RALGPS1: variants seen among roughly 807,000 people sequenced by gnomAD.
RALGPS1 encodes the protein Ral GEF with PH domain and SH3 binding motif 1, also known as ras-specific guanine nucleotide-releasing factor RalGPS1.
In RALGPS1, 19 loss-of-function variants were observed where a neutral mutation model predicts 78.8. The ratio of observed to expected loss-of-function variants is 0.24; its 90% CI spans 0.17 to 0.35. The LOEUF (loss-of-function observed/expected upper bound fraction) is 0.35. Ranked by LOEUF, RALGPS1 falls within the 10% of genes least tolerant of loss-of-function variation. The pLI is 1.00. For missense variants in RALGPS1, 454 were observed against 688.3 expected, an observed-to-expected ratio of 0.66 and a Z score of 3.81; for synonymous variants, 228 against 256.3, an observed-to-expected ratio of 0.89 and a Z score of 1.06.
intron 5 of RALGPS1, among the ~76,000 whole-genome samples, chr9:127,038,748 G>A (rs1347458254): frequency 6.6e-6 from 1 of 152,168 alleles, no homozygotes; most frequent in African/African-American, 2.4e-5. Flanking sequence ...GTGCTAGGAC[G>A]GGGAAACCAG....
intron 14 of RALGPS1, among the ~76,000 whole-genome samples, chr9:127,202,412 G>A (rs1231007602): frequency 6.6e-6 from 1 of 152,096 alleles, no homozygotes; most frequent in Non-Finnish European, 1.5e-5. Flanking sequence ...ATAGTGTTCG[G>A]CCATAAAGAG....
At chr9:127,008,605 C>T (rs1175608105) in intron 4 of RALGPS1, among the ~76,000 whole-genome samples, 2 of 152,166 alleles carry the variant, frequency 1.3e-5, no homozygotes, top group African/African-American at 4.8e-5. Context: ...AGAAAGGAAG[C>T]TCAAGCACCT....
At chr9:127,084,625 G>A (rs1041415498) in intron 8 of RALGPS1, among the ~76,000 whole-genome samples, 4 of 152,190 alleles carry the variant, frequency 2.6e-5, no homozygotes, top group Non-Finnish European at 5.9e-5. Context: ...TCACTTGACT[G>A]AAGGTGGATG....
At chr9:127,079,205 T>A (rs193221486) in intron 8 of RALGPS1, among the ~76,000 whole-genome samples, 1 of 152,306 alleles carries the variant, frequency 6.6e-6, no homozygotes, top group African/African-American at 2.4e-5. Context: ...AGAAGCACAT[T>A]GACTCATGGG....
At chr9:127,133,634 G>A (rs2057174779) in intron 8 of RALGPS1, among the ~76,000 whole-genome samples, 1 of 152,150 alleles carries the variant, frequency 6.6e-6, no homozygotes, top group African/African-American at 2.4e-5. Context: ...CCCAGGTTTG[G>A]CCCTCCTTCC....
At chr9:127,004,423 G>A (rs1039432980) in intron 4 of RALGPS1, among the ~76,000 whole-genome samples, 1 of 152,244 alleles carries the variant, frequency 6.6e-6, no homozygotes, top group Admixed American at 6.5e-5. Context: ...TGGGATTATA[G>A]GCATGAGCCT....
intron 1 of RALGPS1, among the ~76,000 whole-genome samples, chr9:126,944,192 C>G (rs2037042786): frequency 6.6e-6 from 1 of 152,222 alleles, no homozygotes; most frequent in South Asian, 2.1e-4. Flanking sequence ...CAGAGAGGGG[C>G]TGAGCTCAAG....
chr9:127,184,212 C>T, intron 11 of RALGPS1: 1 of 647,458 alleles, frequency 1.5e-6, no homozygotes, highest in Non-Finnish European at 2.6e-6. Context: ...ACAGCCCCAG[C>T]TCCTCAGGGC....
chr9:127,131,839 C>T (rs2057025934), intron 8 of RALGPS1, among the ~76,000 whole-genome samples: 1 of 152,164 alleles, frequency 6.6e-6, no homozygotes, highest in South Asian at 2.1e-4. Context: ...TTGTGCTCAC[C>T]ACTTCAGCCC....
Position 127,029,779 on chromosome 9 carries a change from G to A in RALGPS1, c.217-4652G>A, listed in dbSNP as rs532592921. ...CCAGTCTCCTTTCCCAAGGCCTTAC[G>A]TGATGGACTCCAGACACGGTCAGGG... On this transcript the variant is annotated intron_variant, in intron 4 of 18. Transcript: ENST00000259351. 5.3e-5 allele frequency among the ~76,000 whole-genome samples: 8 copies of A among 152,180 alleles called. No individual in the cohort carries two copies. In the East Asian group the frequency reaches 5.8e-4, roughly 11 times the overall value.
chr9:126,921,422 C>G (rs992950481), intron 1 of RALGPS1, among the ~76,000 whole-genome samples: 14 of 152,252 alleles, frequency 9.2e-5, no homozygotes, highest in Non-Finnish European at 1.9e-4. Context: ...TGAGTACCTG[C>G]ACTGATCATT....
chr9:126,965,745 A>G (rs1182237185), intron 2 of RALGPS1, 99 bp from the exon 3 acceptor site: 11 of 862,150 alleles, frequency 1.3e-5, no homozygotes, highest in African/African-American at 4.9e-5. Context: ...TTATTGTACT[A>G]TTCCATTGCT....
chr9:127,108,123 G>A (rs2054411199), intron 8 of RALGPS1: 1 of 1,613,794 alleles, frequency 6.2e-7, no homozygotes, highest in South Asian at 1.1e-5. Flanking sequence ...CCCTCTGGCA[G>A]TGCTCCTCAA....
chr9:127,068,268 C>T (rs1485408299), intron 7 of RALGPS1, among the ~76,000 whole-genome samples: 1 of 152,128 alleles, frequency 6.6e-6, no homozygotes, highest in African/African-American at 2.4e-5. Flanking sequence ...AGCCTGGATT[C>T]GAGTGGTGGC....
intron 1 of RALGPS1, among the ~76,000 whole-genome samples, chr9:126,951,809 G>C (rs370872819): frequency 6.6e-6 from 1 of 152,200 alleles, no homozygotes; most frequent in African/African-American, 2.4e-5. Context: ...AGTGTTGGAA[G>C]TTCTGGCCAG....
At chr9:126,938,629 GT>G (rs1199003415) in intron 1 of RALGPS1, among the ~76,000 whole-genome samples, 3 of 152,244 alleles carry the variant, frequency 2.0e-5, no homozygotes, top group African/African-American at 7.2e-5. Context: ...CCCCTACTGG[GT>G]TTGGCTATAG....
intron 8 of RALGPS1, among the ~76,000 whole-genome samples, chr9:127,120,699 G>A (rs112691478): frequency 1.3e-5 from 2 of 152,172 alleles, no homozygotes; most frequent in African/African-American, 4.8e-5. Context: ...GTGGTGGTGG[G>A]CACCTGTAGC....
intron 7 of RALGPS1, among the ~76,000 whole-genome samples, chr9:127,059,545 A>G (rs746403205): frequency 2.6e-5 from 4 of 152,006 alleles, no homozygotes; most frequent in East Asian, 3.9e-4. Flanking sequence ...TTTTGTTGCT[A>G]TGGATGTGGA....
chr9:127,056,715 C>G (rs1003731933), intron 7 of RALGPS1, among the ~76,000 whole-genome samples: 1 of 152,224 alleles, frequency 6.6e-6, no homozygotes, highest in Non-Finnish European at 1.5e-5. Context: ...CTGCCTCCCC[C>G]TTTTGACTGC....
Sources: gnomAD v4.1 joint callset for allele counts (sites outside exome capture counted in the v4.1 genomes callset) on GRCh38, gnomAD v4.1.1 for gene constraint, MANE v1.5 for transcripts, NCBI Gene and HGNC (gene_info 2026-07-23, HGNC 2026-07-21) for gene names.